TTYH2: variants seen among roughly 807,000 people sequenced by gnomAD.
TTYH2 encodes the protein tweety family member 2.
In TTYH2, 49 loss-of-function variants were observed where a neutral mutation model predicts 68.3. The ratio of observed to expected loss-of-function variants is 0.72; its 90% CI spans 0.57 to 0.91. The LOEUF (loss-of-function observed/expected upper bound fraction) is 0.91, where lower values mean the gene tolerates loss of function less well. Among genes scored for constraint, TTYH2 ranks in the 40% least tolerant of loss-of-function variants. The pLI, the probability that TTYH2 is intolerant of heterozygous loss-of-function variation, is 0.00. For missense variants in TTYH2, 631 were observed against 700.4 expected (o/e 0.90, Z 1.12); for synonymous variants, 272 against 300.8 (o/e 0.90, Z 0.99).
At chr17:74,252,575 C>T (rs530191332) in intron 11 of TTYH2, among the ~76,000 whole-genome samples, 199 bp downstream of exon 11, 7 of 152,240 alleles carry the variant, frequency 4.6e-5, no homozygotes, top group Non-Finnish European at 7.3e-5. Flanking sequence ...CAAAGGAGTT[C>T]GGTGGGGCCC....
chr17:74,256,334 A>G (rs539185835), intron 13 of TTYH2, among the ~76,000 whole-genome samples: 1 of 152,162 alleles, frequency 6.6e-6, no homozygotes, highest in East Asian at 1.9e-4. Flanking sequence ...GCTGGATGCT[A>G]TTGACATCTA....
intron 3 of TTYH2, among the ~76,000 whole-genome samples, chr17:74,236,371 A>T (rs1184942989): frequency 6.6e-6 from 1 of 152,246 alleles, no homozygotes; most frequent in South Asian, 2.1e-4. Context: ...TATTGTGGGG[A>T]TACAAGGTCA....
intron 4 of TTYH2, among the ~76,000 whole-genome samples, 166 bp from the exon 5 acceptor site, chr17:74,243,208 C>G (rs972283400): frequency 1.3e-5 from 2 of 152,164 alleles, no homozygotes; most frequent in Admixed American, 6.5e-5. Flanking sequence ...GGGGGTGCAG[C>G]TCCCGAGGCT....
intron 1 of TTYH2, among the ~76,000 whole-genome samples, chr17:74,220,428 C>T (rs1039858568): frequency 6.6e-6 from 1 of 152,182 alleles, no homozygotes; most frequent in Non-Finnish European, 1.5e-5. Context: ...AGCTCCAGGG[C>T]GGGGCTAGAG....
chr17:74,220,209 G>C (rs1404139019), intron 1 of TTYH2, among the ~76,000 whole-genome samples: 1 of 152,304 alleles, frequency 6.6e-6, no homozygotes, highest in Middle Eastern at 3.4e-3. Context: ...CTGCCAAGGG[G>C]CGGCCAGGAC....
chr17:74,235,102 G>A (rs374066952), intron 3 of TTYH2, among the ~76,000 whole-genome samples: 1 of 152,096 alleles, frequency 6.6e-6, no homozygotes, highest in East Asian at 1.9e-4. Flanking sequence ...GGAACAAGCC[G>A]CTGACACTGA....
intron 2 of TTYH2, among the ~76,000 whole-genome samples, chr17:74,223,481 C>G (rs187179585): frequency 9.7e-4 from 148 of 152,198 alleles, no homozygotes; most frequent in East Asian, 6.8e-3. Context: ...ATTGCTCCCC[C>G]CTCAGCTTCC....
chr17:74,241,249 G>A lies in TTYH2; in HGVS notation c.636-2125G>A, dbSNP rs1183495625. Among the ~76,000 whole-genome samples the A allele has an allele frequency of 5.4e-5, 8 of 148,940 alleles. No homozygotes were observed. The East Asian group carries it at 1.4e-3, about 26-fold the overall frequency. ...CAGCCTGGACAACATAGACAGACCC[G>A]GTATTTATAATACGTGTGTGTGTGT... On this transcript the variant is annotated intron_variant, in intron 4 of 13. Coordinates refer to ENST00000269346, the MANE Select transcript of TTYH2 (RefSeq NM_032646.6). This position sits in a 1 kb window ranked among gnomAD's most constrained non-coding sequence, Gnocchi z 4.1.
At chr17:74,257,461 G>T (rs2050704260) in intron 13 of TTYH2, among the ~76,000 whole-genome samples, 1 of 152,158 alleles carries the variant, frequency 6.6e-6, no homozygotes, top group South Asian at 2.1e-4. Context: ...CAGCACAGCT[G>T]GCTGCGCCCC....
chr17:74,244,058 G>C lies in TTYH2; in HGVS notation c.804+9G>C. On this transcript the variant is annotated intron_variant, in intron 6 of 13. Coordinates refer to ENST00000269346, the MANE Select transcript of TTYH2 (RefSeq NM_032646.6). ...ATGGCTCTGCGGCAGTGGTGAGTTG[G>C]GGGAGGGAGTGGGTGGTGGGTGGTG... 6.2e-7 allele frequency: 1 copy of C among 1,610,098 alleles called. No individual in the cohort carries two copies. Among genetic ancestry groups the C allele is most frequent in the Non-Finnish European group, 8.5e-7 (1 of 1,179,602 alleles).
chr17:74,236,823 G>T (rs1010058505), intron 3 of TTYH2, among the ~76,000 whole-genome samples: 3 of 152,192 alleles, frequency 2.0e-5, no homozygotes, highest in African/African-American at 7.2e-5. Context: ...CTTCCTCCAG[G>T]GGCACAGGCT....
At chr17:74,225,110 C>A (rs1351596534) in intron 2 of TTYH2, among the ~76,000 whole-genome samples, 1 of 152,048 alleles carries the variant, frequency 6.6e-6, no homozygotes, top group Admixed American at 6.5e-5. Flanking sequence ...CATGGGCACC[C>A]AAACCCATAG....
intron 2 of TTYH2, among the ~76,000 whole-genome samples, chr17:74,229,964 C>A (rs2050370478): frequency 6.6e-6 from 1 of 152,166 alleles, no homozygotes; most frequent in Non-Finnish European, 1.5e-5. Flanking sequence ...AACCTCCTTT[C>A]TACTAATAAT....
At chr17:74,219,532 A>G (rs1387832911) in intron 1 of TTYH2, among the ~76,000 whole-genome samples, 1 of 151,820 alleles carries the variant, frequency 6.6e-6, no homozygotes, top group Non-Finnish European at 1.5e-5. Context: ...CGTATTCCTG[A>G]CCCCCTAGAA....
At chr17:74,242,728 G>C (rs1567817316) in intron 4 of TTYH2, among the ~76,000 whole-genome samples, 1 of 152,194 alleles carries the variant, frequency 6.6e-6, no homozygotes, top group East Asian at 1.9e-4. Context: ...ATCCCATCCA[G>C]CAAGGGGGCA....
intron 10 of TTYH2, among the ~76,000 whole-genome samples, chr17:74,251,608 G>A (rs2050630197): frequency 6.6e-6 from 1 of 151,860 alleles, no homozygotes; most frequent in South Asian, 2.1e-4. Context: ...TTCTCTCCAT[G>A]GCTTCCACCA....
chr17:74,260,351 C>T lies in TTYH2; in HGVS notation c.*142C>T, dbSNP rs978492916. 1.2e-5 allele frequency: 10 copies of T among 813,998 alleles called. No individual in the cohort carries two copies. The Admixed American group carries it at 1.5e-4, about 12-fold the overall frequency. 50.4% of individuals were successfully genotyped at this position (813,998 alleles called of 1,614,324 possible). On this transcript the variant is annotated 3_prime_UTR_variant, in exon 14 of 14. Transcript: ENST00000269346. Reference sequence around the variant, plus strand: ...GTGGCAGAGGAGCAGCTGGGATTCCCGACCAAAGCCCCAGGGGGTGCAGAA... The same window carrying T: ...GTGGCAGAGGAGCAGCTGGGATTCCTGACCAAAGCCCCAGGGGGTGCAGAA...
At chr17:74,251,069 T>C (rs200246136) in intron 10 of TTYH2, among the ~76,000 whole-genome samples, 1 of 124,790 alleles carries the variant, frequency 8.0e-6, no homozygotes, top group East Asian at 3.2e-4. Context: ...TGTGTGTGCG[T>C]GTGTGTGCAC....
Position 74,232,558 on chromosome 17 carries a change from G to A in TTYH2, c.414+1559G>A, listed in dbSNP as rs79448071. ...GGGAGGCAGAGGTGTGGCCTGCCTG[G>A]GGAGAACTCTCCCTCTGGGCACCCA... On this transcript the variant is annotated intron_variant, in intron 3 of 13. Transcript: ENST00000269346. This position sits in a 1 kb window ranked among gnomAD's most constrained non-coding sequence, Gnocchi z 5.1. 0.013 allele frequency among the ~76,000 whole-genome samples: 1,999 copies of A among 152,240 alleles called. 41 individuals carry two copies. Among genetic ancestry groups the A allele is most frequent in the African/African-American group, 0.046 (1,894 of 41,546 alleles).
Sources: gnomAD v4.1 joint callset for allele counts (sites outside exome capture counted in the v4.1 genomes callset) on GRCh38, gnomAD v4.1.1 for gene constraint, Gnocchi (gnomAD v3.1) non-coding constraint, MANE v1.5 for transcripts, NCBI Gene and HGNC (gene_info 2026-07-23, HGNC 2026-07-21) for gene names.